The following TMEM108 variants were observed in gnomAD, a reference collection of about 807,000 sequenced individuals.
The protein encoded by TMEM108 is transmembrane protein 108.
In TMEM108, 12 loss-of-function variants were observed where a neutral mutation model predicts 35.1. The observed-to-expected ratio is 0.34, with a 90% CI of 0.22 to 0.55. The LOEUF (loss-of-function observed/expected upper bound fraction) is 0.55, where lower values mean the gene tolerates loss of function less well. Ranked by LOEUF, TMEM108 falls within the 20% of genes least tolerant of loss-of-function variation. The pLI is 0.89. For synonymous variants in TMEM108, 287 were observed against 308.6 expected (o/e 0.93, Z 0.73); for missense variants, 680 against 753.3 (o/e 0.90, Z 1.14).
At chr3:133,318,271 C>G (rs1376082593) in intron 3 of TMEM108, among the ~76,000 whole-genome samples, 1 of 152,182 alleles carries the variant, frequency 6.6e-6, no homozygotes, top group Admixed American at 6.5e-5. Context: ...CCCTGGAAGA[C>G]ACTACACTGG....
intron 2 of TMEM108, among the ~76,000 whole-genome samples, chr3:133,195,705 C>G (rs1416321949): frequency 6.6e-6 from 1 of 152,108 alleles, no homozygotes; most frequent in Non-Finnish European, 1.5e-5. Context: ...ATAAATGAAC[C>G]AGTGACATTC....
intron 2 of TMEM108, among the ~76,000 whole-genome samples, chr3:133,210,800 T>G (rs1424188944): frequency 6.6e-6 from 1 of 152,210 alleles, no homozygotes; most frequent in Admixed American, 6.5e-5. Flanking sequence ...CTGTTTAATA[T>G]TGGCCCAACC....
chr3:133,097,671 C>T (rs1944032662), intron 2 of TMEM108, among the ~76,000 whole-genome samples: 1 of 152,198 alleles, frequency 6.6e-6, no homozygotes, highest in South Asian at 2.1e-4. Context: ...GAATGTTAGA[C>T]TTTCATGTAG....
intron 2 of TMEM108, among the ~76,000 whole-genome samples, chr3:133,143,686 CT>C (rs1487649336): frequency 1.3e-5 from 2 of 152,136 alleles, no homozygotes; most frequent in African/African-American, 4.8e-5. Flanking sequence ...CCTAAGCCCC[CT>C]GGGTAGATTC....
intron 2 of TMEM108, among the ~76,000 whole-genome samples, chr3:133,107,455 G>GGTGTGTGT (rs59305794): frequency 0.032 from 4,642 of 143,530 alleles, 88 homozygotes; most frequent in Non-Finnish European, 0.036. Flanking sequence ...AAGTGTATGT[G>GGTGTGTGT]GTGTGTGTGT....
chr3:133,241,735 C>T (rs1023301740), intron 3 of TMEM108, among the ~76,000 whole-genome samples: 2 of 151,290 alleles, frequency 1.3e-5, no homozygotes, highest in Non-Finnish European at 2.9e-5. Flanking sequence ...CCTGGTCAGC[C>T]TCCCAAGTAG....
At chr3:133,216,430 T>A (rs377133760) in intron 2 of TMEM108, among the ~76,000 whole-genome samples, 4 of 152,236 alleles carry the variant, frequency 2.6e-5, no homozygotes, top group East Asian at 1.9e-4. Context: ...GGTCAAATGC[T>A]TTCCCTTGCA....
At chr3:133,197,881 C>G (rs1466726842) in intron 2 of TMEM108, among the ~76,000 whole-genome samples, 1 of 152,178 alleles carries the variant, frequency 6.6e-6, no homozygotes, top group Non-Finnish European at 1.5e-5. Flanking sequence ...ATGACTGGTC[C>G]TCTGGTTTGT....
intron 3 of TMEM108, among the ~76,000 whole-genome samples, chr3:133,273,527 G>A (rs1261611068): frequency 6.6e-6 from 1 of 152,208 alleles, no homozygotes; most frequent in Non-Finnish European, 1.5e-5. Context: ...GGAAGCAGGA[G>A]TGGGTGCTGA....
At position 133,273,483 on chromosome 3, in the gene TMEM108, C is replaced by A. The variant is rs1196345341; in HGVS notation, c.40+44132C>A. Among the ~76,000 whole-genome samples the A allele has an allele frequency of 2.0e-5, 3 of 152,164 alleles. No individual in the cohort carries two copies. The East Asian group carries it at 5.8e-4, about 29-fold the overall frequency. On this transcript the variant is annotated intron_variant, in intron 3 of 5. Transcript: ENST00000321871. Reference sequence around the variant, plus strand: ...CCTCCCACACCTTCCTTCCCTTTCTCTCCCCACAGTAAGTACTCAGCAGGA... The same window carrying A: ...CCTCCCACACCTTCCTTCCCTTTCTATCCCCACAGTAAGTACTCAGCAGGA...
Position 133,266,044 on chromosome 3 carries a change from A to T in TMEM108, c.40+36693A>T, listed in dbSNP as rs367589590. 1.9e-3 allele frequency among the ~76,000 whole-genome samples: 289 copies of T among 152,242 alleles called. 2 individuals carry two copies. The highest frequency in any genetic ancestry group is 6.4e-3 in the African/African-American group (265 of 41,476). On this transcript the variant is annotated intron_variant, in intron 3 of 5. Transcript: ENST00000321871. ...GCTACTCCTTGCAAATATTGATAAT[A>T]GTGTAATATATTCAGATCTCTTTTT...
intron 2 of TMEM108, among the ~76,000 whole-genome samples, chr3:133,188,808 G>T (rs1403865917): frequency 6.6e-6 from 1 of 152,140 alleles, no homozygotes; most frequent in Non-Finnish European, 1.5e-5. Flanking sequence ...CCCAATGCAG[G>T]TTGACAGGAG....
At chr3:133,170,996 A>G (rs1945122345) in intron 2 of TMEM108, among the ~76,000 whole-genome samples, 1 of 152,230 alleles carries the variant, frequency 6.6e-6, no homozygotes, top group Non-Finnish European at 1.5e-5. Context: ...AGCAGGATGT[A>G]TCACTGAAAG....
chr3:133,245,771 G>A (rs1353799045), intron 3 of TMEM108, among the ~76,000 whole-genome samples: 2 of 152,136 alleles, frequency 1.3e-5, no homozygotes, highest in African/African-American at 2.4e-5. Context: ...GTCTAGGTTG[G>A]CCCAGTCTAA....
chr3:133,396,129 A>G lies in TMEM108; in HGVS notation c.*143A>G. ...GCTTTTTTTCCTATGAATTGTCAAC[A>G]TCTTTTTTACAAGTGTGGTTTAAAA... On this transcript the variant is annotated 3_prime_UTR_variant, in exon 6 of 6. Transcript: ENST00000321871. 8.4e-6 allele frequency: 4 copies of G among 477,094 alleles called. No homozygotes were observed. The highest frequency in any genetic ancestry group is 1.2e-5 in the Non-Finnish European group (4 of 346,546). 29.6% of individuals were successfully genotyped at this position (477,094 alleles called of 1,614,324 possible).
intron 3 of TMEM108, among the ~76,000 whole-genome samples, chr3:133,350,035 A>C (rs968055352): frequency 9.9e-5 from 15 of 152,176 alleles, no homozygotes; most frequent in Non-Finnish European, 1.6e-4. Flanking sequence ...CTAAGTATCC[A>C]ACAATGGATG....
chr3:133,172,491 A>G (rs992164216), intron 2 of TMEM108, among the ~76,000 whole-genome samples: 11 of 152,212 alleles, frequency 7.2e-5, no homozygotes, highest in African/African-American at 2.7e-4. Flanking sequence ...TTTTTAAATT[A>G]CTTTCATTAT....
chr3:133,390,200 T>C lies in TMEM108; in HGVS notation c.1471T>C (p.Cys491Arg), dbSNP rs776939747. ...CATAGCTGTCCTGCTGACGGTGTGC[T>C]GCATGAAGAGGAAGAAGAAGACCGC... is the stretch of plus-strand genomic sequence containing the variant. ...SSCSVLLTVC[C>R]MKRKKKTANP... is the part of the protein sequence containing the mutation. The change falls in exon 5 of 6, where the codon TGC (cysteine) becomes CGC (arginine). Residue 491 changes from cysteine (C) to arginine (R), a missense_variant. Physicochemically the swap from Cys to Arg is radical, Grantham distance 180. Coordinates refer to ENST00000321871, the MANE Select transcript of TMEM108 (RefSeq NM_023943.4). 96 of 1,614,174 alleles carry C rather than the reference T, an allele frequency of 5.9e-5. No homozygotes were observed. The highest frequency in any genetic ancestry group is 8.1e-5 in the Non-Finnish European group (96 of 1,180,036).
intron 2 of TMEM108, among the ~76,000 whole-genome samples, chr3:133,059,089 A>C (rs1030426378): frequency 3.9e-5 from 6 of 152,180 alleles, no homozygotes; most frequent in Non-Finnish European, 8.8e-5. Flanking sequence ...CACATAGTGA[A>C]AAGACAGCGG....
Sources: allele counts gnomAD v4.1 joint callset (sites outside exome capture counted in the v4.1 genomes callset), GRCh38; gene constraint gnomAD v4.1.1; transcripts MANE v1.5; gene names NCBI Gene and HGNC (gene_info 2026-07-23, HGNC 2026-07-21).